ARHGEF7: variants seen among roughly 807,000 people sequenced by gnomAD.
The protein encoded by ARHGEF7 is PAK-interacting exchange factor beta.
In ARHGEF7, 33 loss-of-function variants were observed where a neutral mutation model predicts 109.8. The observed-to-expected ratio is 0.30, with a 90% CI of 0.23 to 0.40. ARHGEF7 has a LOEUF of 0.40. ARHGEF7 is among the 10% of genes least tolerant of loss of function. ARHGEF7 has a pLI of 1.00. For missense variants in ARHGEF7, 938 were observed against 1,098.5 expected (o/e 0.85, Z 2.07); for synonymous variants, 458 against 424.6 (o/e 1.08, Z -0.97).
At chr13:111,170,801 A>C (rs531261215) in intron 2 of ARHGEF7, among the ~76,000 whole-genome samples, 1 of 152,226 alleles carries the variant, frequency 6.6e-6, no homozygotes, top group African/African-American at 2.4e-5. Flanking sequence ...GTTTGAGGTA[A>C]AAATGGGAGA....
At chr13:111,215,243 G>A (rs2082976217) in intron 4 of ARHGEF7, among the ~76,000 whole-genome samples, 5 of 151,896 alleles carry the variant, frequency 3.3e-5, no homozygotes, top group South Asian at 2.1e-4. Flanking sequence ...TTTCTAATGC[G>A]GATAGTTGTT....
chr13:111,173,404 G>A (rs1013756388), intron 2 of ARHGEF7, among the ~76,000 whole-genome samples: 1 of 152,202 alleles, frequency 6.6e-6, no homozygotes, highest in Admixed American at 6.5e-5. Flanking sequence ...TCAGAACCAG[G>A]AAAATTACCA....
At chr13:111,285,394 A>G (rs565035932) in intron 16 of ARHGEF7, among the ~76,000 whole-genome samples, 12 of 152,300 alleles carry the variant, frequency 7.9e-5, no homozygotes, top group African/African-American at 2.9e-4. Flanking sequence ...TGATGCAGAA[A>G]CCAGCCTTTT....
At chr13:111,251,811 C>G (rs143833199) in intron 8 of ARHGEF7, among the ~76,000 whole-genome samples, 36 of 152,176 alleles carry the variant, frequency 2.4e-4, no homozygotes, top group Non-Finnish European at 4.1e-4. Context: ...TTCATTCTCC[C>G]GGAACCACTC....
Position 111,284,811 on chromosome 13 carries a change from C to CCTGGCT in ARHGEF7, c.1951-1328_1951-1323dup, listed in dbSNP as rs554686920. On this transcript the variant is annotated intron_variant, in intron 16 of 21. Transcript: ENST00000646102. ...GGAGGCCGCTCTGCAGCCCGCTCTG[C>CCTGGCT]CTGGCTCTGGCTCAGGTGTGCTGTG... 2.5e-3 allele frequency among the ~76,000 whole-genome samples: 385 copies of CCTGGCT among 151,910 alleles called. 2 individuals are homozygous for CCTGGCT. Among genetic ancestry groups the CCTGGCT allele is most frequent in the Middle Eastern group, 6.8e-3 (2 of 294 alleles).
chr13:111,235,117 T>C (rs1019968683), intron 6 of ARHGEF7, among the ~76,000 whole-genome samples: 3 of 152,234 alleles, frequency 2.0e-5, no homozygotes, highest in Admixed American at 6.5e-5. Context: ...ATGTGGTGAA[T>C]AACACAGCCA....
intron 1 of ARHGEF7, among the ~76,000 whole-genome samples, chr13:111,140,815 G>A (rs2075310660): frequency 6.6e-6 from 1 of 151,982 alleles, no homozygotes; most frequent in Non-Finnish European, 1.5e-5. Context: ...GAGTAGCTAG[G>A]ACTACAGCAT....
At chr13:111,220,810 C>A (rs999451130) in intron 5 of ARHGEF7, among the ~76,000 whole-genome samples, 1 of 151,894 alleles carries the variant, frequency 6.6e-6, no homozygotes. Flanking sequence ...CGTGTCTGAG[C>A]GTGTGTGCGT....
chr13:111,204,300 G>A (rs759184962), intron 2 of ARHGEF7, among the ~76,000 whole-genome samples: 1 of 152,120 alleles, frequency 6.6e-6, no homozygotes, highest in Non-Finnish European at 1.5e-5. Flanking sequence ...GCTTATTTCC[G>A]GTAATCTCAG....
intron 4 of ARHGEF7, among the ~76,000 whole-genome samples, chr13:111,214,868 AG>A (rs1274783798): frequency 1.3e-4 from 19 of 151,086 alleles, no homozygotes; most frequent in African/African-American, 4.6e-4. Flanking sequence ...TAAATAGATA[AG>A]TATTAAATAT....
chr13:111,156,661 G>A (rs2076362902), intron 2 of ARHGEF7, among the ~76,000 whole-genome samples: 2 of 152,236 alleles, frequency 1.3e-5, no homozygotes, highest in African/African-American at 4.8e-5. Flanking sequence ...TCCCATGCGG[G>A]CCACAGTGCA....
chr13:111,298,922 A>C (rs146195222), intron 19 of ARHGEF7, among the ~76,000 whole-genome samples: 2,707 of 152,334 alleles, frequency 0.018, 43 homozygotes, highest in Middle Eastern at 0.078. Context: ...TAAGTGCTAC[A>C]TTTGATCCTA....
chr13:111,240,809 G>T (rs1316458020), intron 6 of ARHGEF7, among the ~76,000 whole-genome samples: 2 of 152,216 alleles, frequency 1.3e-5, no homozygotes, highest in East Asian at 3.9e-4. Context: ...AAATACAGTT[G>T]TATGATGATA....
intron 2 of ARHGEF7, among the ~76,000 whole-genome samples, chr13:111,178,920 A>C (rs181674970): frequency 2.0e-4 from 30 of 152,194 alleles, no homozygotes; most frequent in African/African-American, 7.2e-4. Context: ...TAGGCTACGG[A>C]TGGTGAGCGG....
In ARHGEF7 at chr13:111,228,096, A is replaced by G. The variant is rs901523386; in HGVS notation, c.671-5109A>G. On this transcript the variant is annotated intron_variant, in intron 5 of 21. Transcript: ENST00000646102. This position sits in a 1 kb window ranked among gnomAD's most constrained non-coding sequence, Gnocchi z 4.6. ...ACATCTGAGGTGTCCTGCACGGCACATGAGGTAAGCGTGCAGGTCTGTGCT... is the reference window on the plus strand; with the variant it reads ...ACATCTGAGGTGTCCTGCACGGCACGTGAGGTAAGCGTGCAGGTCTGTGCT... Among the ~76,000 whole-genome samples, 2 of 152,230 alleles carry G rather than the reference A, an allele frequency of 1.3e-5. No individual in the cohort carries two copies. The highest frequency in any genetic ancestry group is 4.8e-5 in the African/African-American group (2 of 41,472).
At chr13:111,195,610 G>A (rs149903311) in intron 2 of ARHGEF7, among the ~76,000 whole-genome samples, 2 of 152,294 alleles carry the variant, frequency 1.3e-5, no homozygotes, top group East Asian at 3.9e-4. Context: ...CGCTTGCTCT[G>A]GGCACCGTCA....
chr13:111,256,805 C>T (rs1438880822), intron 8 of ARHGEF7, among the ~76,000 whole-genome samples: 1 of 152,182 alleles, frequency 6.6e-6, no homozygotes, highest in East Asian at 1.9e-4. Context: ...TTCATGGTGT[C>T]TGTGCGCTAA....
At chr13:111,299,600 C>T (rs2093514182) in intron 19 of ARHGEF7, among the ~76,000 whole-genome samples, 1 of 152,164 alleles carries the variant, frequency 6.6e-6, no homozygotes, top group Non-Finnish European at 1.5e-5. Flanking sequence ...CCTCCGCCTC[C>T]CAAAGTGCTG....
intron 13 of ARHGEF7, among the ~76,000 whole-genome samples, chr13:111,280,058 T>C (rs572435204): frequency 1.5e-3 from 233 of 152,332 alleles, no homozygotes; most frequent in Admixed American, 2.5e-3. Context: ...TTGTCGCCAG[T>C]TGAGTTTCTT....
Sources: gnomAD v4.1 joint callset for allele counts (sites outside exome capture counted in the v4.1 genomes callset) on GRCh38, gnomAD v4.1.1 for gene constraint, Gnocchi (gnomAD v3.1) non-coding constraint, MANE v1.5 for transcripts, NCBI Gene and HGNC (gene_info 2026-07-23, HGNC 2026-07-21) for gene names.